Variants in SLC9A8 observed in about 807,000 individuals in gnomAD.
SLC9A8 encodes sodium/hydrogen exchanger 8.
SLC9A8 carries 48 observed loss-of-function variants against 66.6 expected under a neutral mutation model. That is an observed-to-expected ratio of 0.72 (90% CI 0.57 to 0.92). The LOEUF (loss-of-function observed/expected upper bound fraction) is 0.92, where lower values mean the gene tolerates loss of function less well. Ranked by LOEUF, SLC9A8 falls within the 40% of genes least tolerant of loss-of-function variation. The pLI, the probability that SLC9A8 is intolerant of heterozygous loss-of-function variation, is 0.00. For missense variants in SLC9A8, 599 were observed against 747.3 expected, an observed-to-expected ratio of 0.80 and a Z score of 2.31; for synonymous variants, 274 against 282.6, an observed-to-expected ratio of 0.97 and a Z score of 0.31.
intron 2 of SLC9A8, chr20:49,815,399 G>C (rs1246381704): frequency 2.5e-6 from 1 of 407,518 alleles, no homozygotes; most frequent in African/African-American, 2.1e-5. Context: ...GTTCTGAAGA[G>C]CTGTTGATGT....
At chr20:49,864,088 T>G (rs1204306558) in intron 9 of SLC9A8, 1 of 152,104 alleles carries the variant, frequency 6.6e-6, no homozygotes, top group East Asian at 1.9e-4. Context: ...AAAAAAAAAG[T>G]ATCTATCAAA....
intron 3 of SLC9A8, among the ~76,000 whole-genome samples, chr20:49,832,610 G>A (rs930629370): frequency 2.0e-5 from 3 of 152,180 alleles, no homozygotes; most frequent in Non-Finnish European, 4.4e-5. Flanking sequence ...CCCCACTCAC[G>A]GCTTTGGCCC....
intron 8 of SLC9A8, 130 bp from the exon 9 acceptor site, chr20:49,862,799 G>A (rs2088800448): frequency 5.2e-6 from 4 of 775,306 alleles, no homozygotes; most frequent in Non-Finnish European, 7.9e-6. Flanking sequence ...TAAACGTTTG[G>A]CTGACTGAAT....
chr20:49,875,041 A>G (rs2089371404), intron 11 of SLC9A8, among the ~76,000 whole-genome samples: 1 of 152,246 alleles, frequency 6.6e-6, no homozygotes, highest in Admixed American at 6.5e-5. Flanking sequence ...CCTACAATTT[A>G]AAGACCAAAA....
rs1176968757 is a variant in SLC9A8, at chr20:49,886,121, C to T, written c.1492-631C>T. Among the ~76,000 whole-genome samples the T allele has an allele frequency of 6.6e-6, 1 of 151,922 alleles. No individual in the cohort carries two copies. Among genetic ancestry groups the T allele is most frequent in the African/African-American group, 2.4e-5 (1 of 41,350 alleles). On this transcript the variant is annotated intron_variant, in intron 14 of 15. Transcript: ENST00000361573. This position sits in a 1 kb window ranked among gnomAD's most constrained non-coding sequence, Gnocchi z 4.8. ...ACCTGCCCCGTCCCCCTCCCCACCA[C>T]CTGCAGTGAAGCTGCAGAGCACACT... is the stretch of plus-strand genomic sequence containing the variant.
intron 10 of SLC9A8, among the ~76,000 whole-genome samples, chr20:49,874,224 C>T (rs2089331518): frequency 6.6e-6 from 1 of 151,580 alleles, no homozygotes; most frequent in South Asian, 2.1e-4. Flanking sequence ...CACTATTGCA[C>T]TCCAGCCTGG....
intron 3 of SLC9A8, chr20:49,830,701 C>T: frequency 1.5e-6 from 1 of 682,966 alleles, no homozygotes; most frequent in South Asian, 1.6e-5. Context: ...AAGACCTCCT[C>T]CTTCCTAGGT....
intron 14 of SLC9A8, among the ~76,000 whole-genome samples, chr20:49,885,414 C>G (rs2089854548): frequency 6.6e-6 from 1 of 152,204 alleles, no homozygotes; most frequent in Non-Finnish European, 1.5e-5. Context: ...CAGCCCAGAC[C>G]TCTTGGGCTC....
rs746250380 is a variant in SLC9A8, at chr20:49,887,859, A to C, written c.1669A>C (p.Thr557Pro). The part of the protein sequence containing the change: ...DLHHGRIQMK[T>P]LTNKWYEEVR... ...GCACCACGGGCGCATCCAGATGAAA[A>C]CTCTCACCAACAAGTGGTACGAGGA... The change falls in exon 16 of 16, where the codon ACT becomes CCT. Residue 557 changes from threonine to proline, a missense_variant. Thr to Pro is a conservative substitution (Grantham distance 38). Coordinates refer to ENST00000361573, the MANE Select transcript of SLC9A8 (RefSeq NM_015266.3). 8.7e-6 allele frequency: 14 copies of C among 1,611,868 alleles called. No homozygotes were observed. Among genetic ancestry groups the C allele is most frequent in the Non-Finnish European group, 1.7e-6 (2 of 1,178,960 alleles).
At chr20:49,838,215 T>A (rs1018733517) in intron 3 of SLC9A8, among the ~76,000 whole-genome samples, 1 of 152,158 alleles carries the variant, frequency 6.6e-6, no homozygotes, top group Non-Finnish European at 1.5e-5. Flanking sequence ...GGAAGTGGGG[T>A]ATGATCTAAA....
chr20:49,849,752 G>A, intron 6 of SLC9A8, 72 bp downstream of exon 6: 1 of 1,191,026 alleles, frequency 8.4e-7, no homozygotes, highest in Non-Finnish European at 1.2e-6. Flanking sequence ...GTGGGAAGGT[G>A]AAATGGGGCC....
intron 3 of SLC9A8, chr20:49,830,609 TA>T: frequency 1.6e-6 from 1 of 615,474 alleles, no homozygotes. Context: ...AGCAGCTTTC[TA>T]ATCACAGAAT....
intron 11 of SLC9A8, among the ~76,000 whole-genome samples, chr20:49,877,248 C>T (rs1223425697): frequency 6.6e-6 from 1 of 151,648 alleles, no homozygotes; most frequent in Non-Finnish European, 1.5e-5. Context: ...GAGCCGAGAT[C>T]GTGCCACTAC....
At chr20:49,815,315 C>T in intron 2 of SLC9A8, 126 bp downstream of exon 2, 1 of 680,678 alleles carries the variant, frequency 1.5e-6, no homozygotes, top group Non-Finnish European at 2.3e-6. Context: ...ATATCAAACA[C>T]TGAGGGAACA....
In SLC9A8 at chr20:49,874,755, C is replaced by T. The variant is rs1206205859; in HGVS notation, c.1009C>T (p.His337Tyr). The change falls in exon 11 of 16, where the codon CAT becomes TAT. Residue 337 changes from histidine (H) to tyrosine (Y), a missense_variant. By Grantham distance (83) the His-to-Tyr change is moderately conservative. Around this residue, in one of 2 missense-constraint regions of SLC9A8, gnomAD observed 467 missense variants for 626.5 expected, o/e 0.75. Coordinates refer to ENST00000361573, the MANE Select transcript of SLC9A8 (RefSeq NM_015266.3). ...CATCGTGATGTCCCACTACACGCACCATAACCTCTCCCCAGTCACCCAGAT... is the reference window on the plus strand; with the variant it reads ...CATCGTGATGTCCCACTACACGCACTATAACCTCTCCCCAGTCACCCAGAT... ...SGIVMSHYTH[H>Y]NLSPVTQILM... is the part of the protein sequence containing the mutation. 1 of 1,613,984 alleles carries T rather than the reference C, an allele frequency of 6.2e-7. No individual in the cohort carries two copies. Among genetic ancestry groups the T allele is most frequent in the Admixed American group, 1.7e-5 (1 of 60,020 alleles).
intron 7 of SLC9A8, among the ~76,000 whole-genome samples, chr20:49,851,537 T>C (rs1192336256): frequency 6.6e-6 from 1 of 152,206 alleles, no homozygotes; most frequent in African/African-American, 2.4e-5. Flanking sequence ...GTGACATGGC[T>C]GGGGAGCTGG....
intron 7 of SLC9A8, among the ~76,000 whole-genome samples, chr20:49,854,525 A>C (rs2088387505): frequency 6.7e-6 from 1 of 149,632 alleles, no homozygotes. Flanking sequence ...CCCCCACCCC[A>C]CCTTCCCACG....
intron 3 of SLC9A8, among the ~76,000 whole-genome samples, chr20:49,825,327 G>T (rs1375060308): frequency 6.6e-6 from 1 of 152,078 alleles, no homozygotes. Context: ...TTCCATTCAA[G>T]GGACAAAACC....
At chr20:49,855,323 C>A in intron 7 of SLC9A8, 115 bp from the exon 8 acceptor site, 1 of 1,028,126 alleles carries the variant, frequency 9.7e-7, no homozygotes, top group South Asian at 1.6e-5. Flanking sequence ...GTAATTAATT[C>A]AGCTCTAGCG....
Sources: gnomAD v4.1 joint callset for allele counts (sites outside exome capture counted in the v4.1 genomes callset) on GRCh38, gnomAD v4.1.1 for gene constraint, gnomAD v4.1.1 regional missense constraint, Gnocchi (gnomAD v3.1) non-coding constraint, MANE v1.5 for transcripts, NCBI Gene and HGNC (gene_info 2026-07-23, HGNC 2026-07-21) for gene names.